Variants in PDGFD observed in about 807,000 individuals in gnomAD.
PDGFD encodes platelet derived growth factor D, also known as platelet-derived growth factor D.
A neutral mutation model predicts 44.7 loss-of-function variants in PDGFD; 30 were observed. The observed-to-expected ratio is 0.67, with a 90% CI of 0.50 to 0.91. The LOEUF (loss-of-function observed/expected upper bound fraction) is 0.91, where lower values mean the gene tolerates loss of function less well. Among genes scored for constraint, PDGFD ranks in the 40% least tolerant of loss-of-function variants. PDGFD has a pLI of 0.00. For synonymous variants in PDGFD, 173 were observed against 168.4 expected, an observed-to-expected ratio of 1.03 and a Z score of -0.21; for missense variants, 445 against 457.8, an observed-to-expected ratio of 0.97 and a Z score of 0.25.
At chr11:103,995,480 T>C (rs959808116) in intron 3 of PDGFD, among the ~76,000 whole-genome samples, 13 of 152,166 alleles carry the variant, frequency 8.5e-5, no homozygotes, top group East Asian at 1.9e-4. Flanking sequence ...GGTGTTTAAG[T>C]AGAGAAAAGG....
At chr11:103,939,415 G>A (rs1421811159) in intron 5 of PDGFD, among the ~76,000 whole-genome samples, 10 of 152,250 alleles carry the variant, frequency 6.6e-5, no homozygotes, top group African/African-American at 2.4e-4. Context: ...TGTATCCTGA[G>A]ACTTTGCTGA....
At chr11:104,130,987 C>A (rs934622697) in intron 1 of PDGFD, among the ~76,000 whole-genome samples, 5 of 152,266 alleles carry the variant, frequency 3.3e-5, no homozygotes, top group Admixed American at 3.3e-4. Context: ...TCTGATTATA[C>A]ACTTAATTAT....
intron 3 of PDGFD, among the ~76,000 whole-genome samples, chr11:103,964,529 A>C (rs2134339442): frequency 6.6e-6 from 1 of 152,294 alleles, no homozygotes; most frequent in African/African-American, 2.4e-5. Context: ...ATGCTTTAAG[A>C]AAAGCAGGTC....
chr11:104,117,490 T>C (rs1006516649), intron 1 of PDGFD, among the ~76,000 whole-genome samples: 2 of 152,048 alleles, frequency 1.3e-5, no homozygotes, highest in South Asian at 2.1e-4. Context: ...ACCATAAAGA[T>C]TCCTCCAGAA....
chr11:104,119,629 T>C lies in PDGFD; in HGVS notation c.124+44175A>G, dbSNP rs1364607468. ...TTAATATAATATATTATGTATTATA[T>C]TAATATATAATATATTAATAGATAT... On this transcript the variant is annotated intron_variant, in intron 1 of 6. Transcript: ENST00000393158. Among the ~76,000 whole-genome samples, 4 of 68,756 alleles carry C rather than the reference T, an allele frequency of 5.8e-5. No homozygotes were observed. In the Admixed American group the frequency reaches 8.6e-4, roughly 15 times the overall value. The allele number at this position is 68,756 out of a possible 152,430, so 45.1% of individuals were successfully genotyped here.
At chr11:104,035,561 CTTTT>C (rs3050598) in intron 1 of PDGFD, among the ~76,000 whole-genome samples, 2,401 of 115,226 alleles carry the variant, frequency 0.021, 41 homozygotes, top group African/African-American at 0.062. Context: ...ACTTCTTTTT[CTTTT>C]TTTTTTTTTT....
chr11:103,955,373 G>A (rs1016173899), intron 3 of PDGFD, among the ~76,000 whole-genome samples: 5 of 151,960 alleles, frequency 3.3e-5, no homozygotes, highest in African/African-American at 1.2e-4. Context: ...TTTGAATAAA[G>A]GCTTTTGATG....
At chr11:104,056,887 T>C (rs931490672) in intron 1 of PDGFD, among the ~76,000 whole-genome samples, 1 of 152,120 alleles carries the variant, frequency 6.6e-6, no homozygotes, top group Non-Finnish European at 1.5e-5. Flanking sequence ...CCCAGCACTT[T>C]GGGAGGCCGA....
chr11:103,996,805 T>C (rs574391945), intron 2 of PDGFD, among the ~76,000 whole-genome samples: 353 of 152,310 alleles, frequency 2.3e-3, no homozygotes, highest in South Asian at 3.5e-3. Context: ...CGTCATAAAA[T>C]ATGAAACTTA....
intron 1 of PDGFD, among the ~76,000 whole-genome samples, chr11:104,092,733 G>T (rs905192999): frequency 1.3e-5 from 2 of 152,178 alleles, no homozygotes; most frequent in African/African-American, 4.8e-5. Flanking sequence ...GTGCACAAAT[G>T]ATGTTGGCTT....
chr11:103,959,499 G>A (rs1385514375), intron 3 of PDGFD, among the ~76,000 whole-genome samples: 4 of 152,084 alleles, frequency 2.6e-5, no homozygotes, highest in African/African-American at 4.8e-5. Flanking sequence ...GGGGAGATTC[G>A]TATATTCTTG....
At chr11:103,950,640 T>C (rs534846785) in intron 3 of PDGFD, among the ~76,000 whole-genome samples, 2 of 152,036 alleles carry the variant, frequency 1.3e-5, no homozygotes, top group African/African-American at 2.4e-5. Context: ...TTCTGTATCA[T>C]GTACCCATTT....
At chr11:104,052,293 A>C (rs1860552510) in intron 1 of PDGFD, among the ~76,000 whole-genome samples, 1 of 152,176 alleles carries the variant, frequency 6.6e-6, no homozygotes. Flanking sequence ...GAAAACAATA[A>C]GTAAAACCCA....
Position 103,910,300 on chromosome 11 carries a change from T to G in PDGFD, c.988-481A>C, listed in dbSNP as rs79155021. 9.2e-3 allele frequency among the ~76,000 whole-genome samples: 1,396 copies of G among 152,316 alleles called. 25 individuals carry two copies. Among genetic ancestry groups the G allele is most frequent in the African/African-American group, 0.032 (1,348 of 41,570 alleles). On this transcript the variant is annotated intron_variant, in intron 6 of 6. Transcript: ENST00000393158. ...GAAGTAAAACATGTTGCCCTGGAGTTGCTGGCAAGATGGCCGAACAGGAAC... is the reference window on the plus strand; with the variant it reads ...GAAGTAAAACATGTTGCCCTGGAGTGGCTGGCAAGATGGCCGAACAGGAAC...
chr11:103,946,411 C>G (rs947091176), intron 4 of PDGFD: 8 of 152,202 alleles, frequency 5.3e-5, no homozygotes, highest in African/African-American at 1.9e-4. Context: ...GACAATGCCT[C>G]TCTTTTAAAG....
intron 3 of PDGFD, among the ~76,000 whole-genome samples, chr11:103,965,422 T>A (rs1320733126): frequency 9.9e-5 from 15 of 152,200 alleles, no homozygotes; most frequent in Admixed American, 6.5e-4. Context: ...GTCAGCCAGG[T>A]GCTGTATCTT....
At chr11:104,135,710 G>T (rs527404959) in intron 1 of PDGFD, among the ~76,000 whole-genome samples, 2 of 152,278 alleles carry the variant, frequency 1.3e-5, no homozygotes, top group South Asian at 2.1e-4. Flanking sequence ...GTTCATATGG[G>T]TGCCATTCAC....
At chr11:103,977,011 T>C (rs957398021) in intron 3 of PDGFD, among the ~76,000 whole-genome samples, 1 of 151,980 alleles carries the variant, frequency 6.6e-6, no homozygotes, top group African/African-American at 2.4e-5. Context: ...AAATGGGATA[T>C]CACCACTGAT....
At chr11:104,027,434 C>A (rs917168405) in intron 1 of PDGFD, among the ~76,000 whole-genome samples, 1 of 152,180 alleles carries the variant, frequency 6.6e-6, no homozygotes, top group Non-Finnish European at 1.5e-5. Flanking sequence ...TGGTAGAGTG[C>A]TTTTCTATTT....
Sources: allele counts gnomAD v4.1 joint callset (sites outside exome capture counted in the v4.1 genomes callset), GRCh38; gene constraint gnomAD v4.1.1; transcripts MANE v1.5; gene names NCBI Gene and HGNC (gene_info 2026-07-23, HGNC 2026-07-21).